The following SNX21 variants were observed in gnomAD, a reference collection of about 807,000 sequenced individuals.
SNX21 encodes sorting nexin-21.
Under a neutral mutation model 30.9 loss-of-function variants are expected in SNX21, and 36 were observed. The ratio of observed to expected loss-of-function variants is 1.16; its 90% CI spans 0.89 to 1.54. SNX21 has a LOEUF of 1.54. SNX21 is among the 40% of genes most tolerant of loss of function. The pLI, the probability that SNX21 is intolerant of heterozygous loss-of-function variation, is 0.00. For synonymous variants in SNX21, 218 were observed against 222.7 expected (o/e 0.98, Z 0.19); for missense variants, 508 against 516.5 (o/e 0.98, Z 0.16).
chr20:45,841,555 A>G lies in SNX21; in HGVS notation c.*242A>G, dbSNP rs1984127105. 1.4e-6 allele frequency: 2 copies of G among 1,388,332 alleles called. No homozygotes were observed. The highest frequency in any genetic ancestry group is 3.5e-5 in the Admixed American group (1 of 28,962). The allele number at this position is 1,388,332 out of a possible 1,614,324, so 86.0% of individuals were successfully genotyped here. ...GACACAGCCTCTCCAGCCTATAAAC[A>G]GCCGGGGGGCTGTGGCACAGGTTGG... is the stretch of plus-strand genomic sequence containing the variant. On this transcript the variant is annotated 3_prime_UTR_variant, in exon 4 of 4. Coordinates refer to ENST00000491381, the MANE Select transcript of SNX21 (RefSeq NM_033421.4).
Position 45,840,345 on chromosome 20 carries a change from G to C in SNX21, c.448-294G>C, listed in dbSNP as rs1601077647. ...AGAGGGGGCTGTCAGAAGAACTAAT[G>C]CTCTATGGGAAGGGAGTACAAAAAA... On this transcript the variant is annotated intron_variant, in intron 3 of 3. Coordinates refer to ENST00000491381, the MANE Select transcript of SNX21 (RefSeq NM_033421.4). 5 of 1,598,436 alleles carry C rather than the reference G, an allele frequency of 3.1e-6. No homozygotes were observed. The East Asian group carries it at 6.8e-5, about 22-fold the overall frequency.
chr20:45,833,842 G>A lies in SNX21; in HGVS notation c.-78G>A. ...CGCTCTGAGCGGCCTGAGCCCGGCG[G>A]AGCCCTGCAGAACCCGGCCGACCTC... On this transcript the variant is annotated 5_prime_UTR_variant, in exon 1 of 4. Coordinates refer to ENST00000491381, the MANE Select transcript of SNX21 (RefSeq NM_033421.4). 1 of 1,258,924 alleles carries A rather than the reference G, an allele frequency of 7.9e-7. No individual in the cohort carries two copies. The highest frequency in any genetic ancestry group is 1.0e-6 in the Non-Finnish European group (1 of 993,616). The allele number at this position is 1,258,924 out of a possible 1,614,324, so 78.0% of individuals were successfully genotyped here.
In SNX21 at chr20:45,835,003, G is replaced by C; in HGVS notation, c.334G>C (p.Ala112Pro). The C allele has an allele frequency of 1.9e-6, 3 of 1,614,210 alleles. No individual in the cohort carries two copies. The highest frequency in any genetic ancestry group is 2.5e-6 in the Non-Finnish European group (3 of 1,180,028). Residue 112 changes from alanine (A) to proline (P), a missense_variant, in exon 3 of 4, where the codon GCG becomes CCG. Physicochemically the swap from Ala to Pro is conservative, Grantham distance 27 (BLOSUM62 -1). Coordinates refer to ENST00000491381, the MANE Select transcript of SNX21 (RefSeq NM_033421.4). ...PDGQWGSQLL[A>P]RQLQDFWKKS... is the part of the protein sequence containing the mutation. ...TGGGCAGTGGGGCAGTCAGCTCCTG[G>C]CGCGGCAGCTGCAGGATTTCTGGAA... is the stretch of plus-strand genomic sequence containing the variant.
At chr20:45,840,029 T>G (rs1983907087) in intron 3 of SNX21, 2 of 497,112 alleles carry the variant, frequency 4.0e-6, no homozygotes, top group Admixed American at 1.3e-4. Flanking sequence ...AACACTGACT[T>G]GACCGAGCAC....
chr20:45,834,808 G>T, intron 2 of SNX21, 151 bp from the exon 3 acceptor site: 1 of 1,012,670 alleles, frequency 9.9e-7, no homozygotes, highest in Non-Finnish European at 1.5e-6. Flanking sequence ...CACGGTGTTT[G>T]GCTCCTCGGT....
chr20:45,834,581 TCTTA>T lies in SNX21; in HGVS notation c.289+114_289+117del, dbSNP rs1461193260. On this transcript the variant is annotated intron_variant, in intron 2 of 3. Coordinates refer to ENST00000491381, the MANE Select transcript of SNX21 (RefSeq NM_033421.4). The stretch of plus-strand genomic sequence containing the variant: ...TTGATCCAGCTGAAACTCCCACACT[TCTTA>T]AAGCGCCTGGGCCACCTCTTGGCTG... 3.0e-6 allele frequency: 4 copies of T among 1,351,654 alleles called. No individual in the cohort carries two copies. The African/African-American group carries it at 5.9e-5, about 20-fold the overall frequency. The allele number at this position is 1,351,654 out of a possible 1,614,324, so 83.7% of individuals were successfully genotyped here.
At chr20:45,835,950 C>G (rs1030911784) in intron 3 of SNX21, among the ~76,000 whole-genome samples, 7 of 151,730 alleles carry the variant, frequency 4.6e-5, no homozygotes, top group African/African-American at 1.7e-4. Context: ...GCGACTCCTG[C>G]TCCAGTCCCT....
In SNX21 at chr20:45,840,738, C is replaced by T; in HGVS notation, c.547C>T (p.Gln183Ter). The change falls in exon 4 of 4, where the codon CAG becomes TAG. Residue 183 changes from glutamine (Q) to a stop codon, truncating the protein, a stop_gained. Coordinates refer to ENST00000491381, the MANE Select transcript of SNX21 (RefSeq NM_033421.4). LOFTEE classifies it high-confidence loss of function. ...CTTTGAGCGGCTGCACCGAAACCTG[C>T]AGCGGCAATTCCGGGGCCCAATGGC... ...SDFERLHRNL[Q>*]RQFRGPMAAI... 2 of 1,614,192 alleles carry T rather than the reference C, an allele frequency of 1.2e-6. No homozygotes were observed. Among genetic ancestry groups the T allele is most frequent in the Non-Finnish European group, 1.7e-6 (2 of 1,180,046 alleles).
intron 3 of SNX21, among the ~76,000 whole-genome samples, chr20:45,836,266 G>A (rs1018467266): frequency 6.6e-6 from 1 of 152,146 alleles, no homozygotes; most frequent in Non-Finnish European, 1.5e-5. Flanking sequence ...GGGAAGCCGA[G>A]GCGGGCGGAT....
chr20:45,841,678 G>A lies in SNX21; in HGVS notation c.*365G>A, dbSNP rs1429478470. 7.0e-7 allele frequency: 1 copy of A among 1,423,818 alleles called. No individual in the cohort carries two copies. The highest frequency in any genetic ancestry group is 9.1e-7 in the Non-Finnish European group (1 of 1,095,258). The allele number at this position is 1,423,818 out of a possible 1,614,324, so 88.2% of individuals were successfully genotyped here. A position where few individuals can be genotyped will look rare whatever the true frequency, so the allele number is the denominator to read the frequency against. On this transcript the variant is annotated 3_prime_UTR_variant, in exon 4 of 4. Transcript: ENST00000491381. ...GGAGTCCTGGAGTTAAGGGATGAAG[G>A]CAAGGCTGCAGGTCTGGCCCAGGGG...
At chr20:45,839,722 T>C (rs1260289480) in intron 3 of SNX21, among the ~76,000 whole-genome samples, 3 of 145,764 alleles carry the variant, frequency 2.1e-5, no homozygotes, top group East Asian at 2.1e-4. Flanking sequence ...AGACCCCCCC[T>C]CATCTCCATA....
chr20:45,840,346 C>T (rs1191449750), intron 3 of SNX21: 10 of 1,607,154 alleles, frequency 6.2e-6, no homozygotes, highest in Non-Finnish European at 8.5e-6. Context: ...AGAACTAATG[C>T]TCTATGGGAA....
Position 45,842,122 on chromosome 20 carries a change from C to T in SNX21, c.*809C>T. The T allele has an allele frequency of 1.3e-6, 2 of 1,533,028 alleles. No individual in the cohort carries two copies. Among genetic ancestry groups the T allele is most frequent in the Middle Eastern group, 2.2e-4 (1 of 4,514 alleles). 95.0% of individuals were successfully genotyped at this position (1,533,028 alleles called of 1,614,324 possible). A position where few individuals can be genotyped will look rare whatever the true frequency, so the allele number is the denominator to read the frequency against. On this transcript the variant is annotated 3_prime_UTR_variant, in exon 4 of 4. Coordinates refer to ENST00000491381, the MANE Select transcript of SNX21 (RefSeq NM_033421.4). ...TCCTGAGCAGCTGGGATTACAGGCG[C>T]ACATCACCATGCCCAACCTCCAAGT...
At chr20:45,836,477 C>G (rs1983543785) in intron 3 of SNX21, among the ~76,000 whole-genome samples, 1 of 121,294 alleles carries the variant, frequency 8.2e-6, no homozygotes, top group African/African-American at 3.4e-5. Context: ...GGCAACAGAG[C>G]GAGACTCCGT....
Sources: allele counts gnomAD v4.1 joint callset (sites outside exome capture counted in the v4.1 genomes callset), GRCh38; gene constraint gnomAD v4.1.1; transcripts MANE v1.5; gene names NCBI Gene and HGNC (gene_info 2026-07-23, HGNC 2026-07-21).